The following CTDSPL2 variants were observed in gnomAD, a reference collection of about 807,000 sequenced individuals.
CTDSPL2 encodes CTD small phosphatase-like protein 2.
A neutral mutation model predicts 60.0 loss-of-function variants in CTDSPL2; 5 were observed. The observed-to-expected ratio is 0.08, with a 90% CI of 0.04 to 0.18. The LOEUF is 0.18. CTDSPL2 is among the 10% of genes least tolerant of loss of function. The probability of loss-of-function intolerance (pLI) is 1.00; values close to 1 mark genes in which losing one functional copy is unlikely to be tolerated. For synonymous variants in CTDSPL2, 186 were observed against 189.3 expected, an observed-to-expected ratio of 0.98 and a Z score of 0.14; for missense variants, 370 against 548.8, an observed-to-expected ratio of 0.67 and a Z score of 3.26.
At chr15:44,507,489 C>T (rs544267316) in intron 8 of CTDSPL2, among the ~76,000 whole-genome samples, 1 of 152,268 alleles carries the variant, frequency 6.6e-6, no homozygotes, top group Admixed American at 6.5e-5. Flanking sequence ...ATACTACCCC[C>T]AGCATCTGTC....
At chr15:44,519,064 A>G in intron 10 of CTDSPL2, 105 bp from the exon 11 acceptor site, 2 of 714,298 alleles carry the variant, frequency 2.8e-6, no homozygotes, top group Admixed American at 4.4e-5. Context: ...CAAGAGAGAA[A>G]ATCATATGGC....
intron 1 of CTDSPL2, 105 bp downstream of exon 1, chr15:44,427,877 G>A (rs1472461293): frequency 2.6e-6 from 1 of 391,458 alleles, no homozygotes. Flanking sequence ...TGGTCCTCCA[G>A]CGGCTCTGGC....
At chr15:44,483,878 A>C (rs943377447) in intron 2 of CTDSPL2, among the ~76,000 whole-genome samples, 8 of 152,194 alleles carry the variant, frequency 5.3e-5, no homozygotes, top group African/African-American at 1.9e-4. Flanking sequence ...TAAGGAAATT[A>C]TCTCTGTTCT....
At chr15:44,448,792 T>C in intron 1 of CTDSPL2, 1 of 353,160 alleles carries the variant, frequency 2.8e-6, no homozygotes. Context: ...ATAGGGAAGC[T>C]GCGGACGCTT....
chr15:44,475,978 AT>A (rs1019297174), intron 2 of CTDSPL2, among the ~76,000 whole-genome samples: 1 of 152,144 alleles, frequency 6.6e-6, no homozygotes, highest in African/African-American at 2.4e-5. Flanking sequence ...TCAGTTTCTT[AT>A]TTTTCAGCAG....
intron 1 of CTDSPL2, among the ~76,000 whole-genome samples, chr15:44,434,440 C>G (rs1342979047): frequency 6.6e-6 from 1 of 152,170 alleles, no homozygotes; most frequent in Non-Finnish European, 1.5e-5. Flanking sequence ...CTCACCTAGG[C>G]TGGAGTACAA....
intron 10 of CTDSPL2, chr15:44,517,293 G>C (rs1410567802): frequency 6.7e-6 from 1 of 148,470 alleles, no homozygotes; most frequent in Non-Finnish European, 1.5e-5. Context: ...GGCGGATCAC[G>C]AGGTCAGGAG....
chr15:44,509,650 TG>T (rs146754165), intron 8 of CTDSPL2, among the ~76,000 whole-genome samples: 4,056 of 152,278 alleles, frequency 0.027, 92 homozygotes, highest in East Asian at 0.098. Flanking sequence ...GTGGGTTTTT[TG>T]AAATTATATA....
chr15:44,502,219 T>G (rs535296279), intron 8 of CTDSPL2, among the ~76,000 whole-genome samples: 66 of 152,082 alleles, frequency 4.3e-4, no homozygotes, highest in Non-Finnish European at 7.6e-4. Flanking sequence ...TGTATCTGTA[T>G]TATTCTTGAA....
chr15:44,496,932 A>G (rs1157238513), intron 6 of CTDSPL2, 95 bp from the exon 7 acceptor site: 1 of 624,632 alleles, frequency 1.6e-6, no homozygotes, highest in African/African-American at 1.9e-5. Context: ...TTTCTGGGTT[A>G]ACTGCTTTAT....
At chr15:44,507,084 G>T (rs1483791649) in intron 8 of CTDSPL2, among the ~76,000 whole-genome samples, 8 of 137,858 alleles carry the variant, frequency 5.8e-5, no homozygotes, top group African/African-American at 1.1e-4. Context: ...TTTGTTTTTT[G>T]TTTTTTTTTT....
In CTDSPL2 at chr15:44,427,735, G is replaced by A; in HGVS notation, c.-62G>A. 2.5e-6 allele frequency: 1 copy of A among 399,252 alleles called. No homozygotes were observed. Among genetic ancestry groups the A allele is most frequent in the Non-Finnish European group, 4.4e-6 (1 of 226,242 alleles). 24.7% of individuals were successfully genotyped at this position (399,252 alleles called of 1,614,324 possible). A position where few individuals can be genotyped will look rare whatever the true frequency, so the allele number is the denominator to read the frequency against. The stretch of plus-strand genomic sequence containing the variant: ...CACACATTGCGCAGTCGGGACCATC[G>A]CCGGAGCCTGAGGACACTTCTCTGT... On this transcript the variant is annotated 5_prime_UTR_variant, in exon 1 of 13. Transcript: ENST00000260327.
chr15:44,492,241 T>C (rs905045236), intron 5 of CTDSPL2, among the ~76,000 whole-genome samples: 6 of 152,086 alleles, frequency 3.9e-5, no homozygotes, highest in African/African-American at 1.4e-4. Context: ...GAGGCTGAAG[T>C]GGGAGGATTG....
chr15:44,444,840 T>TTTTTTTTTTTG (rs2080173535), intron 1 of CTDSPL2, among the ~76,000 whole-genome samples: 2 of 112,942 alleles, frequency 1.8e-5, no homozygotes, highest in African/African-American at 8.3e-5. Flanking sequence ...AATGTAGTTT[T>TTTTTTTTTTTG]TTTTTTTTTT....
At chr15:44,428,232 TG>T (rs1196989101) in intron 1 of CTDSPL2, 1 of 152,280 alleles carries the variant, frequency 6.6e-6, no homozygotes, top group Non-Finnish European at 1.5e-5. Context: ...TTTCAGAATC[TG>T]GAAGAAGGGA....
chr15:44,472,358 C>A (rs1001189489), intron 2 of CTDSPL2, among the ~76,000 whole-genome samples: 1 of 152,108 alleles, frequency 6.6e-6, no homozygotes, highest in Non-Finnish European at 1.5e-5. Context: ...TTGTAATTGT[C>A]TGTCTTTTTT....
At chr15:44,435,275 A>G (rs75395990) in intron 1 of CTDSPL2, among the ~76,000 whole-genome samples, 2 of 151,476 alleles carry the variant, frequency 1.3e-5, no homozygotes, top group East Asian at 2.0e-4. Flanking sequence ...AAAAAAAAAA[A>G]AAGAATCCTT....
Position 44,514,654 on chromosome 15 carries a change from G to A in CTDSPL2, c.1026G>A (p.Met342Ile), listed in dbSNP as rs1310479576. Residue 342 changes from methionine (M) to isoleucine (I), a missense_variant, in exon 9 of 13, where the codon ATG becomes ATA. This residue lies in a region of CTDSPL2 where 21 missense variants were observed against 42.1 expected (regional missense o/e 0.50). Coordinates refer to ENST00000260327, the MANE Select transcript of CTDSPL2 (RefSeq NM_016396.3). ...AATTCCTGGAACGAATGTCTCAGAT[G>A]TATGAGGTAAACATGCTTAAGCTAA... ...FREFLERMSQ[M>I]YEIILFTASK... is the part of the protein sequence containing the mutation. 15 of 1,605,002 alleles carry A rather than the reference G, an allele frequency of 9.3e-6. No individual in the cohort carries two copies. Among genetic ancestry groups the A allele is most frequent in the Non-Finnish European group, 1.1e-5 (13 of 1,172,102 alleles).
chr15:44,500,341 G>T (rs2081365432), intron 8 of CTDSPL2, among the ~76,000 whole-genome samples: 1 of 152,116 alleles, frequency 6.6e-6, no homozygotes, highest in African/African-American at 2.4e-5. Flanking sequence ...TCTCTCATCT[G>T]TGCTGATGGA....
Sources: allele counts gnomAD v4.1 joint callset (sites outside exome capture counted in the v4.1 genomes callset), GRCh38; gene constraint gnomAD v4.1.1; regional missense constraint gnomAD v4.1.1; transcripts MANE v1.5; gene names NCBI Gene and HGNC (gene_info 2026-07-23, HGNC 2026-07-21).